CES1: variants seen among roughly 807,000 people sequenced by gnomAD.
CES1 encodes carboxylesterase 1.
CES1 carries 50 observed loss-of-function variants against 53.0 expected under a neutral mutation model. That is an observed-to-expected ratio of 0.94 (90% CI 0.75 to 1.19). CES1 has a LOEUF of 1.19. CES1 is among the 50% of genes most tolerant of loss of function. The pLI, the probability that CES1 is intolerant of heterozygous loss-of-function variation, is 0.00. For missense variants in CES1, 534 were observed against 538.0 expected (o/e 0.99, Z 0.07); for synonymous variants, 202 against 210.1 (o/e 0.96, Z 0.33).
chr16:55,830,429 C>A (rs1209067745), intron 1 of CES1, among the ~76,000 whole-genome samples: 2 of 151,768 alleles, frequency 1.3e-5, no homozygotes, highest in Non-Finnish European at 2.9e-5. Context: ...CTGAAATCCT[C>A]CCCCCCATCT....
chr16:55,817,059 T>C (rs1333765671), intron 7 of CES1, 97 bp from the exon 8 acceptor site: 2 of 1,307,868 alleles, frequency 1.5e-6, no homozygotes, highest in African/African-American at 3.0e-5. Context: ...TCTTCCCGCA[T>C]CACTCCGTGA....
chr16:55,830,182 A>C (rs28711206), intron 1 of CES1, among the ~76,000 whole-genome samples: 1 of 152,250 alleles, frequency 6.6e-6, no homozygotes, highest in African/African-American at 2.4e-5. Context: ...ATGGAAACCC[A>C]TTATGGAAAG....
At chr16:55,821,278 A>T (rs780723860) in intron 5 of CES1, 90 bp downstream of exon 5, 15 of 1,492,220 alleles carry the variant, frequency 1.0e-5, no homozygotes, top group Admixed American at 5.1e-5. Flanking sequence ...TTGTAATCAG[A>T]GGTATCCATA....
At chr16:55,826,318 C>A in intron 2 of CES1, 23 bp from the exon 3 acceptor site, 1 of 1,613,890 alleles carries the variant, frequency 6.2e-7, no homozygotes, top group Non-Finnish European at 8.5e-7. Flanking sequence ...AAAGAAGAAC[C>A]CCTGAAGTTC....
intron 8 of CES1, among the ~76,000 whole-genome samples, chr16:55,815,957 C>A (rs58594669): frequency 0.018 from 2,753 of 152,304 alleles, no homozygotes; most frequent in African/African-American, 0.057. Flanking sequence ...TCCCCACACT[C>A]GGTCCTCTCC....
intron 5 of CES1, 116 bp from the exon 6 acceptor site, chr16:55,820,595 A>G (rs2032136933): frequency 6.5e-7 from 1 of 1,539,648 alleles, no homozygotes; most frequent in African/African-American, 1.4e-5. Context: ...TGAGGAATCC[A>G]GTAGTGGGCT....
chr16:55,825,321 C>G (rs556160325), intron 3 of CES1, among the ~76,000 whole-genome samples: 1 of 152,332 alleles, frequency 6.6e-6, no homozygotes, highest in South Asian at 2.1e-4. Context: ...TGCCACGGTG[C>G]CCCTGGGAGA....
intron 9 of CES1, among the ~76,000 whole-genome samples, chr16:55,812,090 T>C (rs2031724623): frequency 1.3e-5 from 2 of 152,182 alleles, no homozygotes; most frequent in African/African-American, 2.4e-5. Flanking sequence ...GGGATGTGAG[T>C]CCACTCCACG....
At chr16:55,814,951 G>A (rs1390544037) in intron 8 of CES1, among the ~76,000 whole-genome samples, 2 of 152,228 alleles carry the variant, frequency 1.3e-5, no homozygotes, top group Non-Finnish European at 2.9e-5. Context: ...GGCTGCTGTG[G>A]GAGGCCAGCA....
At chr16:55,812,789 G>A in intron 9 of CES1, 114 bp downstream of exon 9, 4 of 1,463,504 alleles carry the variant, frequency 2.7e-6, no homozygotes, top group Non-Finnish European at 2.9e-6. Context: ...CTGCTGAAGG[G>A]AACAGCTGCC....
At chr16:55,825,345 A>G (rs538571157) in intron 3 of CES1, among the ~76,000 whole-genome samples, 46 of 152,234 alleles carry the variant, frequency 3.0e-4, no homozygotes, top group Admixed American at 7.8e-4. Flanking sequence ...GCTAGACACA[A>G]CACCCCTTGT....
At position 55,830,819 on chromosome 16, in the gene CES1, A is replaced by AAGGAAGGAAGGAAGGAAGGCAGGC; in HGVS notation, c.53-1846_53-1845insGCCTGCCTTCCTTCCTTCCTTCCT. On this transcript the variant is annotated intron_variant, in intron 1 of 13. Coordinates refer to ENST00000360526, the MANE Select transcript of CES1 (RefSeq NM_001025195.2). ...GAAGGAAGGAAGGAAGGAAGGAAGG[A>AAGGAAGGAAGGAAGGAAGGCAGGC]AGGCAGGCAGGCAGGCAGGCAGGCA... Among the ~76,000 whole-genome samples, 737 of 126,930 alleles carry AAGGAAGGAAGGAAGGAAGGCAGGC rather than the reference A, an allele frequency of 5.8e-3. 13 individuals are homozygous for AAGGAAGGAAGGAAGGAAGGCAGGC. The highest frequency in any genetic ancestry group is 0.019 in the African/African-American group (545 of 28,460). The allele number at this position is 126,930 out of a possible 152,430, so 83.3% of individuals were successfully genotyped here. A position where few individuals can be genotyped will look rare whatever the true frequency, so the allele number is the denominator to read the frequency against.
At chr16:55,817,209 A>G (rs2031981448) in intron 7 of CES1, among the ~76,000 whole-genome samples, 1 of 152,180 alleles carries the variant, frequency 6.6e-6, no homozygotes, top group African/African-American at 2.4e-5. Flanking sequence ...GAGGGTTTTT[A>G]AGCAGATAGG....
At chr16:55,821,072 G>GT in intron 5 of CES1, among the ~76,000 whole-genome samples, 1 of 97,218 alleles carries the variant, frequency 1.0e-5, no homozygotes, top group South Asian at 2.8e-4. Context: ...AGGAGAGAGA[G>GT]AAAGAGAGAG....
chr16:55,831,287 T>C (rs1306123101), intron 1 of CES1, among the ~76,000 whole-genome samples: 1 of 152,014 alleles, frequency 6.6e-6, no homozygotes. Flanking sequence ...CTAAGAGTGC[T>C]GAGGACTTCA....
intron 4 of CES1, among the ~76,000 whole-genome samples, chr16:55,821,913 G>A (rs1178972460): frequency 1.3e-5 from 2 of 152,236 alleles, no homozygotes; most frequent in Non-Finnish European, 2.9e-5. Flanking sequence ...AAAAACAGGA[G>A]TGGGACAGGG....
intron 7 of CES1, among the ~76,000 whole-genome samples, chr16:55,817,828 G>A (rs1296173298): frequency 6.6e-6 from 1 of 152,074 alleles, no homozygotes; most frequent in Non-Finnish European, 1.5e-5. Flanking sequence ...TCATGGAGGT[G>A]CTTCCACAAG....
chr16:55,828,159 G>A (rs2032490262), intron 2 of CES1: 2 of 177,780 alleles, frequency 1.1e-5, no homozygotes, highest in Admixed American at 5.4e-5. Flanking sequence ...CCTACCCTGG[G>A]GAGTGATGGT....
intron 9 of CES1, chr16:55,812,505 G>A (rs2142317591): frequency 3.2e-6 from 1 of 313,734 alleles, no homozygotes; most frequent in African/African-American, 2.1e-5. Flanking sequence ...GAGCATGAGT[G>A]ATTTTCAGGG....
Sources: allele counts gnomAD v4.1 joint callset (sites outside exome capture counted in the v4.1 genomes callset), GRCh38; gene constraint gnomAD v4.1.1; transcripts MANE v1.5; gene names NCBI Gene and HGNC (gene_info 2026-07-23, HGNC 2026-07-21).